Variants in CAMSAP1 observed in about 807,000 individuals in gnomAD.
CAMSAP1 encodes the protein calmodulin regulated spectrin associated protein 1, also known as calmodulin-regulated spectrin-associated protein 1.
Under a neutral mutation model 143.5 loss-of-function variants are expected in CAMSAP1, and 58 were observed. The ratio of observed to expected loss-of-function variants is 0.40; its 90% CI spans 0.33 to 0.50. The LOEUF (loss-of-function observed/expected upper bound fraction) is 0.50. Among genes scored for constraint, CAMSAP1 ranks in the 20% least tolerant of loss-of-function variants. The pLI is 0.45. For synonymous variants in CAMSAP1, 945 were observed against 859.3 expected, an observed-to-expected ratio of 1.10 and a Z score of -1.74; for missense variants, 1,969 against 2,115.7, an observed-to-expected ratio of 0.93 and a Z score of 1.36.
chr9:135,868,491 T>C (rs1397697141), intron 3 of CAMSAP1, among the ~76,000 whole-genome samples: 4 of 152,162 alleles, frequency 2.6e-5, no homozygotes, highest in African/African-American at 9.7e-5. Flanking sequence ...AGAAAACTAC[T>C]TTTTTCCAGT....
At position 135,882,939 on chromosome 9, in the gene CAMSAP1, C is replaced by T; in HGVS notation, c.300G>A (p.Gln100=). The change falls in exon 2 of 17, where the codon CAG becomes CAA. Residue 100 remains glutamine, a synonymous_variant. Transcript: ENST00000389532. The surrounding 1 kb of genome is among the most constrained non-coding windows in gnomAD (Gnocchi z 4.9). ...ACTGGTGTCCCTGTAAGGCGGCCAC[C>T]TGGTCCCCTTTCAGGATGAGGCTGC... ...RVCSLILKGD[Q]VAALQGHQSV... 6.4e-7 allele frequency: 1 copy of T among 1,551,784 alleles called. No individual in the cohort carries two copies. The highest frequency in any genetic ancestry group is 8.7e-7 in the Non-Finnish European group (1 of 1,147,016).
Position 135,860,278 on chromosome 9 carries a change from G to A in CAMSAP1, c.808+2189C>T, listed in dbSNP as rs146006159. On this transcript the variant is annotated intron_variant, in intron 5 of 16. Transcript: ENST00000389532. ...TAAAAAGCATCCAGAACTCAGCAGG[G>A]AGAATGTAAGAGATGAACACATAAA... Among the ~76,000 whole-genome samples the A allele has an allele frequency of 4.7e-3, 712 of 150,752 alleles. 8 individuals carry two copies. Among genetic ancestry groups the A allele is most frequent in the South Asian group, 0.022 (104 of 4,746 alleles).
chr9:135,822,986 A>G lies in CAMSAP1; in HGVS notation c.1675T>C (p.Phe559Leu). Residue 559 changes from phenylalanine (F) to leucine (L), a missense_variant, in exon 11 of 17, where the codon TTC (phenylalanine) becomes CTC (leucine). Coordinates refer to ENST00000389532, the MANE Select transcript of CAMSAP1 (RefSeq NM_015447.4). The surrounding 1 kb of genome is among the most constrained non-coding windows in gnomAD (Gnocchi z 6.1). ...AAGGCCCGGGGTGAGGCCCTGGGGA[A>G]CTCCGGGTCAGCCTGCTGGGGAACC... ...DVVPQQADPE[F>L]PRASPRALGL... 6.2e-7 allele frequency: 1 copy of G among 1,613,700 alleles called. No individual in the cohort carries two copies. The highest frequency in any genetic ancestry group is 8.5e-7 in the Non-Finnish European group (1 of 1,179,824).
intron 5 of CAMSAP1, among the ~76,000 whole-genome samples, chr9:135,855,797 A>G (rs929594601): frequency 4.0e-5 from 6 of 150,104 alleles, no homozygotes; most frequent in Non-Finnish European, 8.9e-5. Context: ...TCACGCCTGT[A>G]ATCCCAGCAC....
chr9:135,867,256 A>C (rs529234831), intron 3 of CAMSAP1, among the ~76,000 whole-genome samples: 1 of 145,082 alleles, frequency 6.9e-6, no homozygotes, highest in South Asian at 2.1e-4. Flanking sequence ...AAATAAAGAC[A>C]AAAAAAATAT....
intron 1 of CAMSAP1, among the ~76,000 whole-genome samples, chr9:135,896,686 T>C (rs542777715): frequency 2.0e-5 from 3 of 152,168 alleles, no homozygotes; most frequent in Non-Finnish European, 2.9e-5. Flanking sequence ...ATATGGGAAA[T>C]ACATAAGACA....
intron 7 of CAMSAP1, among the ~76,000 whole-genome samples, chr9:135,830,576 G>A (rs1325037590): frequency 2.0e-5 from 3 of 152,168 alleles, no homozygotes; most frequent in African/African-American, 7.2e-5. Context: ...CAGAAATACA[G>A]TAATAGCAGA....
At chr9:135,838,019 A>G (rs945110399) in intron 7 of CAMSAP1, among the ~76,000 whole-genome samples, 3 of 149,770 alleles carry the variant, frequency 2.0e-5, no homozygotes, top group African/African-American at 5.0e-5. Context: ...ACACGTCATC[A>G]CGCACTTTCT....
Position 135,850,361 on chromosome 9 carries a change from G to A in CAMSAP1, c.909C>T (p.Leu303=). The A allele has an allele frequency of 6.2e-7, 1 of 1,610,856 alleles. No homozygotes were observed. Among genetic ancestry groups the A allele is most frequent in the Non-Finnish European group, 8.5e-7 (1 of 1,178,994 alleles). The change falls in exon 6 of 17, where the codon CTC becomes CTT. Residue 303 remains leucine, a synonymous_variant. Coordinates refer to ENST00000389532, the MANE Select transcript of CAMSAP1 (RefSeq NM_015447.4). ...SNEYLNKCFY[L]TLEDMLYAPL... is the part of the protein sequence containing the mutation. ...GCGCATACAGCATATCTTCCAAGGT[G>A]AGATAAAAACATTTATTAAGATATT...
intron 1 of CAMSAP1, among the ~76,000 whole-genome samples, chr9:135,889,943 A>C (rs2131003315): frequency 6.6e-6 from 1 of 152,260 alleles, no homozygotes; most frequent in Admixed American, 6.5e-5. Context: ...GAGGCCCCCA[A>C]GGGCCACAAC....
intron 1 of CAMSAP1, among the ~76,000 whole-genome samples, chr9:135,902,072 T>C (rs772501460): frequency 3.3e-5 from 5 of 151,982 alleles, no homozygotes; most frequent in Non-Finnish European, 5.9e-5. Context: ...GATGCACACA[T>C]AACTAGGCAG....
At chr9:135,878,468 T>C (rs1248034478) in intron 3 of CAMSAP1, among the ~76,000 whole-genome samples, 1 of 152,194 alleles carries the variant, frequency 6.6e-6, no homozygotes, top group Non-Finnish European at 1.5e-5. Flanking sequence ...CTTGGAAACA[T>C]GGTATCTATG....
At position 135,824,371 on chromosome 9, in the gene CAMSAP1, A is replaced by C. The variant is rs1295316671; in HGVS notation, c.1316-337T>G. ...AATTTATTTGGCTACAGTCTTAACT[A>C]AAATCACTACATCAGCCGGGCACAG... On this transcript the variant is annotated intron_variant, in intron 9 of 16. Coordinates refer to ENST00000389532, the MANE Select transcript of CAMSAP1 (RefSeq NM_015447.4). The surrounding 1 kb of genome is among the most constrained non-coding windows in gnomAD (Gnocchi z 4.1). 6.6e-6 allele frequency among the ~76,000 whole-genome samples: 1 copy of C among 152,224 alleles called. No individual in the cohort carries two copies. Among genetic ancestry groups the C allele is most frequent in the East Asian group, 1.9e-4 (1 of 5,196 alleles).
At chr9:135,816,047 G>C in intron 14 of CAMSAP1, 42 bp from the exon 15 acceptor site, 1 of 1,579,942 alleles carries the variant, frequency 6.3e-7, no homozygotes, top group East Asian at 2.2e-5. Flanking sequence ...GTGAAGCGCT[G>C]GCTTCCTCTC....
intron 7 of CAMSAP1, among the ~76,000 whole-genome samples, chr9:135,839,452 T>C (rs539458394): frequency 1.3e-5 from 2 of 152,040 alleles, no homozygotes; most frequent in Admixed American, 6.6e-5. Context: ...GGAGGGGTCA[T>C]CACATCCCAT....
chr9:135,824,873 CT>C lies in CAMSAP1; in HGVS notation c.1230del (p.Gly411GlufsTer14). Reference protein sequence around the residue: ...LHPEEPEYLGKGTAAFSPSHP... With the variant: ...LHPEEPEYLGXGTAAFSPSHP... ...TGGGATGGGCTGAAGGCAGCAGTTC[CT>C]TTCCCGCTAAATGGAAAAAGAATTA... On this transcript the variant is annotated frameshift_variant, in exon 9 of 17. Coordinates refer to ENST00000389532, the MANE Select transcript of CAMSAP1 (RefSeq NM_015447.4). LOFTEE classifies it high-confidence loss of function. The surrounding 1 kb of genome is among the most constrained non-coding windows in gnomAD (Gnocchi z 4.1). 1 of 1,589,882 alleles carries C rather than the reference CT, an allele frequency of 6.3e-7. No individual in the cohort carries two copies. Among genetic ancestry groups the C allele is most frequent in the Non-Finnish European group, 8.6e-7 (1 of 1,168,436 alleles).
chr9:135,897,485 T>A (rs1250208200), intron 1 of CAMSAP1, among the ~76,000 whole-genome samples: 1 of 152,194 alleles, frequency 6.6e-6, no homozygotes, highest in Non-Finnish European at 1.5e-5. Context: ...ATACTCACAC[T>A]TCTCATGAGG....
chr9:135,827,394 A>G lies in CAMSAP1; in HGVS notation c.1223+13T>C, dbSNP rs1423368097. ...ATGGTGAACTGATTCTGAAAGCAGA[A>G]AGACAGACTTACAGGTATTCAGGTT... On this transcript the variant is annotated intron_variant, in intron 8 of 16. Coordinates refer to ENST00000389532, the MANE Select transcript of CAMSAP1 (RefSeq NM_015447.4). 1 of 1,486,302 alleles carries G rather than the reference A, an allele frequency of 6.7e-7. No homozygotes were observed. The highest frequency in any genetic ancestry group is 1.4e-5 in the African/African-American group (1 of 71,618). 92.1% of individuals were successfully genotyped at this position (1,486,302 alleles called of 1,614,324 possible).
intron 1 of CAMSAP1, among the ~76,000 whole-genome samples, chr9:135,901,403 T>A (rs1838612169): frequency 6.6e-6 from 1 of 152,126 alleles, no homozygotes; most frequent in Non-Finnish European, 1.5e-5. Context: ...CCCAGGAGTT[T>A]GAGAAGCCTG....
Sources: gnomAD v4.1 joint callset for allele counts (sites outside exome capture counted in the v4.1 genomes callset) on GRCh38, gnomAD v4.1.1 for gene constraint, Gnocchi (gnomAD v3.1) non-coding constraint, MANE v1.5 for transcripts, NCBI Gene and HGNC (gene_info 2026-07-23, HGNC 2026-07-21) for gene names.